Variants in HEATR5A observed in about 807,000 individuals in gnomAD.
The protein encoded by HEATR5A is HEAT repeat-containing protein 5A.
A neutral mutation model predicts 218.8 loss-of-function variants in HEATR5A; 178 were observed. That is an observed-to-expected ratio of 0.81 (90% CI 0.72 to 0.92). The LOEUF (loss-of-function observed/expected upper bound fraction) is 0.92, where lower values mean the gene tolerates loss of function less well. Among genes scored for constraint, HEATR5A ranks in the 40% least tolerant of loss-of-function variants. The probability of loss-of-function intolerance (pLI) is 0.00; values close to 1 mark genes in which losing one functional copy is unlikely to be tolerated. For synonymous variants in HEATR5A, 864 were observed against 871.6 expected (o/e 0.99, Z 0.15); for missense variants, 2,420 against 2,418.9 (o/e 1.00, Z -0.01).
chr14:31,413,807 G>A (rs577118283), intron 1 of HEATR5A, among the ~76,000 whole-genome samples: 1 of 152,322 alleles, frequency 6.6e-6, no homozygotes, highest in South Asian at 2.1e-4. Context: ...TAATGTCCAT[G>A]TCTGTCTGTC....
chr14:31,320,270 C>G, intron 25 of HEATR5A: 2 of 709,370 alleles, frequency 2.8e-6, no homozygotes, highest in Non-Finnish European at 5.3e-6. Flanking sequence ...ACAGAAGAGC[C>G]CCATGGCCTC....
At chr14:31,317,830 G>A (rs2139158718) in intron 26 of HEATR5A, among the ~76,000 whole-genome samples, 1 of 152,146 alleles carries the variant, frequency 6.6e-6, no homozygotes, top group East Asian at 1.9e-4. Flanking sequence ...CATTGCTGGT[G>A]GAAATTTAAA....
In HEATR5A at chr14:31,420,465, T is replaced by C. The variant is rs1001423881; in HGVS notation, c.-75+7A>G. On this transcript the variant is annotated splice_region_variant and intron_variant, in intron 1 of 35. Coordinates refer to ENST00000543095, the MANE Select transcript of HEATR5A (RefSeq NM_015473.4). ...TGTCCCCGCTCCCTGGATCCCCGAC[T>C]GCCTGCCTTTGGGGGTCCTCCTCAG... The C allele has an allele frequency of 4.6e-5, 7 of 152,870 alleles. No homozygotes were observed. The highest frequency in any genetic ancestry group is 1.7e-4 in the African/African-American group (7 of 41,204). The allele number at this position is 152,870 out of a possible 1,614,324, so 9.5% of individuals were successfully genotyped here. A position where few individuals can be genotyped will look rare whatever the true frequency, so the allele number is the denominator to read the frequency against.
At chr14:31,362,121 T>C (rs1901639261) in intron 14 of HEATR5A, among the ~76,000 whole-genome samples, 1 of 152,058 alleles carries the variant, frequency 6.6e-6, no homozygotes, top group East Asian at 1.9e-4. Context: ...TGTGCCACCA[T>C]GCCCAGCTAA....
chr14:31,295,436 GCATTCT>G (rs1899152828), intron 34 of HEATR5A: 1 of 152,528 alleles, frequency 6.6e-6, no homozygotes, highest in Admixed American at 6.6e-5. Context: ...TTGTAGGGAT[GCATTCT>G]CACCATGCTG....
At chr14:31,409,613 T>G (rs117501339) in intron 1 of HEATR5A, among the ~76,000 whole-genome samples, 1 of 152,060 alleles carries the variant, frequency 6.6e-6, no homozygotes, top group East Asian at 1.9e-4. Context: ...GGTGGGAGGA[T>G]CCCTTGAGAT....
chr14:31,369,335 G>A (rs1488844730), intron 13 of HEATR5A, among the ~76,000 whole-genome samples: 1 of 151,236 alleles, frequency 6.6e-6, no homozygotes, highest in Non-Finnish European at 1.5e-5. Flanking sequence ...AAAAAAGGCT[G>A]AGCGTGATGG....
At chr14:31,294,878 T>C (rs1053498866) in intron 34 of HEATR5A, among the ~76,000 whole-genome samples, 2 of 152,230 alleles carry the variant, frequency 1.3e-5, no homozygotes, top group Non-Finnish European at 2.9e-5. Flanking sequence ...AAGGAACGTC[T>C]GGACCATACT....
Position 31,323,604 on chromosome 14 carries a change from T to C in HEATR5A, c.3748A>G (p.Ile1250Val), listed in dbSNP as rs1352436994. 1 of 1,612,094 alleles carries C rather than the reference T, an allele frequency of 6.2e-7. No individual in the cohort carries two copies. Among genetic ancestry groups the C allele is most frequent in the Non-Finnish European group, 8.5e-7 (1 of 1,178,812 alleles). ...TTTTTCATTTCTTGTGCTAAAGCAATGTCAAAATGTGCACTGTTAGCATTC... is the reference window on the plus strand; with the variant it reads ...TTTTTCATTTCTTGTGCTAAAGCAACGTCAAAATGTGCACTGTTAGCATTC... ...CENANSAHFD[I>V]ALAQEMKKRD... Residue 1250 changes from isoleucine to valine, a missense_variant, in exon 24 of 36, where the codon ATT becomes GTT. Ile to Val is a conservative substitution (Grantham distance 29). Coordinates refer to ENST00000543095, the MANE Select transcript of HEATR5A (RefSeq NM_015473.4).
chr14:31,363,932 A>G (rs115843906), intron 14 of HEATR5A, among the ~76,000 whole-genome samples: 1 of 152,134 alleles, frequency 6.6e-6, no homozygotes, highest in Non-Finnish European at 1.5e-5. Flanking sequence ...TGATTGCATA[A>G]CACTGCATAC....
At chr14:31,302,834 A>G in intron 32 of HEATR5A, 1 of 282,946 alleles carries the variant, frequency 3.5e-6, no homozygotes, top group Non-Finnish European at 6.7e-6. Context: ...GGTAAAATAT[A>G]TACAACATAA....
chr14:31,394,007 G>GA (rs1284192917), intron 6 of HEATR5A, 45 bp downstream of exon 6: 21 of 1,309,930 alleles, frequency 1.6e-5, no homozygotes, highest in Admixed American at 2.5e-5. Context: ...ATCAACTGGG[G>GA]AAAAAATTAC....
At chr14:31,382,625 AT>A (rs1279903466) in intron 10 of HEATR5A, among the ~76,000 whole-genome samples, 1 of 151,810 alleles carries the variant, frequency 6.6e-6, no homozygotes, top group Non-Finnish European at 1.5e-5. Flanking sequence ...TCTCTTCAAA[AT>A]TCTTTGTACA....
intron 32 of HEATR5A, among the ~76,000 whole-genome samples, chr14:31,302,938 CAAA>C (rs747481722): frequency 9.8e-6 from 1 of 102,204 alleles, no homozygotes; most frequent in African/African-American, 4.2e-5. Context: ...TTCATCTTTA[CAAA>C]AAAAAAAAAA....
In HEATR5A at chr14:31,328,563, C is replaced by T. The variant is rs543267775; in HGVS notation, c.3368-2221G>A. On this transcript the variant is annotated intron_variant, in intron 22 of 35. Coordinates refer to ENST00000543095, the MANE Select transcript of HEATR5A (RefSeq NM_015473.4). ...TTTCATACTGCTATAAAGACATACC[C>T]AAGACTGGGTAATTTATTTAAAAAA... is the stretch of plus-strand genomic sequence containing the variant. 3.9e-5 allele frequency among the ~76,000 whole-genome samples: 6 copies of T among 152,100 alleles called. 1 individual carries two copies. Among genetic ancestry groups the T allele is most frequent in the African/African-American group, 1.4e-4 (6 of 41,504 alleles).
chr14:31,354,733 A>T (rs1200168918), intron 16 of HEATR5A, among the ~76,000 whole-genome samples: 1 of 152,208 alleles, frequency 6.6e-6, no homozygotes, highest in Non-Finnish European at 1.5e-5. Context: ...TACATTATAC[A>T]TTTTACATTA....
chr14:31,395,396 A>G, intron 4 of HEATR5A, 48 bp from the exon 5 acceptor site: 1 of 1,080,574 alleles, frequency 9.3e-7, no homozygotes, highest in South Asian at 1.6e-5. Flanking sequence ...TAAACTGCAA[A>G]GAACAGGATT....
chr14:31,367,686 T>C (rs552252973), intron 13 of HEATR5A, among the ~76,000 whole-genome samples: 3 of 146,660 alleles, frequency 2.0e-5, no homozygotes, highest in Non-Finnish European at 3.0e-5. Context: ...CCCAAAATGA[T>C]AGGATTATAG....
rs1899059866 is a variant in HEATR5A, at chr14:31,292,611, C to A, written c.*694G>T. ...TTTTTTTTTTTTTTTTAGATGGAGT[C>A]TCACTCTGTCGCCCAGGCTGGAGTG... On this transcript the variant is annotated 3_prime_UTR_variant, in exon 36 of 36. Coordinates refer to ENST00000543095, the MANE Select transcript of HEATR5A (RefSeq NM_015473.4). The A allele has an allele frequency of 6.8e-6, 1 of 147,590 alleles. No homozygotes were observed. The highest frequency in any genetic ancestry group is 1.5e-5 in the Non-Finnish European group (1 of 67,354). The allele number at this position is 147,590 out of a possible 1,614,324, so 9.1% of individuals were successfully genotyped here. A position where few individuals can be genotyped will look rare whatever the true frequency, so the allele number is the denominator to read the frequency against.
Sources: gnomAD v4.1 joint callset for allele counts (sites outside exome capture counted in the v4.1 genomes callset) on GRCh38, gnomAD v4.1.1 for gene constraint, MANE v1.5 for transcripts, NCBI Gene and HGNC (gene_info 2026-07-23, HGNC 2026-07-21) for gene names.